The following LNPEP variants were observed in gnomAD, a reference collection of about 807,000 sequenced individuals.
LNPEP encodes leucyl and cystinyl aminopeptidase.
A neutral mutation model predicts 120.6 loss-of-function variants in LNPEP; 64 were observed. The ratio of observed to expected loss-of-function variants is 0.53; its 90% CI spans 0.43 to 0.65. The LOEUF (loss-of-function observed/expected upper bound fraction) is 0.65, where lower values mean the gene tolerates loss of function less well. LNPEP is among the 30% of genes least tolerant of loss of function. LNPEP has a pLI of 0.00. For synonymous variants in LNPEP, 435 were observed against 425.4 expected (o/e 1.02, Z -0.28); for missense variants, 1,057 against 1,200.0 (o/e 0.88, Z 1.76).
chr5:96,982,027 C>T (rs1047809786), intron 2 of LNPEP, among the ~76,000 whole-genome samples: 1 of 152,118 alleles, frequency 6.6e-6, no homozygotes, highest in Non-Finnish European at 1.5e-5. Flanking sequence ...GGAAACTGTT[C>T]CAAGCCTCTT....
intron 13 of LNPEP, among the ~76,000 whole-genome samples, chr5:97,018,343 G>T (rs550190522): frequency 1.3e-5 from 2 of 152,042 alleles, no homozygotes; most frequent in South Asian, 4.1e-4. Flanking sequence ...TAGTGCTCAA[G>T]AAGCACTTGA....
intron 7 of LNPEP, 65 bp from the exon 8 acceptor site, chr5:96,997,949 A>C: frequency 8.5e-7 from 1 of 1,171,328 alleles, no homozygotes; most frequent in Non-Finnish European, 1.2e-6. Flanking sequence ...ATTCACATAA[A>C]TAATTTACTA....
intron 1 of LNPEP, among the ~76,000 whole-genome samples, chr5:96,967,560 C>T (rs1789759916): frequency 6.6e-6 from 1 of 152,024 alleles, no homozygotes; most frequent in African/African-American, 2.4e-5. Context: ...GAATCAGTGT[C>T]TAGTAGAACT....
At chr5:96,945,063 G>A (rs778616329) in intron 1 of LNPEP, among the ~76,000 whole-genome samples, 3 of 151,866 alleles carry the variant, frequency 2.0e-5, no homozygotes, top group Non-Finnish European at 4.4e-5. Flanking sequence ...TTATCAGAAC[G>A]TAAAATGTGC....
intron 10 of LNPEP, 75 bp downstream of exon 10, chr5:97,006,308 A>G: frequency 1.4e-6 from 2 of 1,397,720 alleles, no homozygotes; most frequent in South Asian, 1.3e-5. Context: ...TTTTATAATC[A>G]TAAGTTCTTG....
chr5:96,971,509 C>CT (rs941806028), intron 1 of LNPEP, among the ~76,000 whole-genome samples: 8 of 151,928 alleles, frequency 5.3e-5, no homozygotes, highest in African/African-American at 1.7e-4. Context: ...CACACTCCTT[C>CT]TGTGGCTCCT....
At chr5:96,995,771 C>T (rs1445031330) in intron 6 of LNPEP, among the ~76,000 whole-genome samples, 1 of 152,188 alleles carries the variant, frequency 6.6e-6, no homozygotes, top group Admixed American at 6.5e-5. Context: ...ATCCTCCTGC[C>T]TTGCCCTCCT....
At chr5:96,966,508 T>TTTTG (rs1284828792) in intron 1 of LNPEP, among the ~76,000 whole-genome samples, 2,590 of 133,434 alleles carry the variant, frequency 0.019, 68 homozygotes, top group African/African-American at 0.069. Flanking sequence ...TTACATATAT[T>TTTTG]TGTGTGTGTG....
chr5:96,985,066 T>G lies in LNPEP; in HGVS notation c.861-14T>G. On this transcript the variant is annotated splice_polypyrimidine_tract_variant and intron_variant, in intron 2 of 17. Transcript: ENST00000231368. ...TGCTCAGTAACTACTGGATTGAATT[T>G]GTGTTTGTTTTAGGTACTTTGCAGC... 1.9e-6 allele frequency: 3 copies of G among 1,613,582 alleles called. No homozygotes were observed.
chr5:96,944,744 G>GT (rs1209443402), intron 1 of LNPEP, among the ~76,000 whole-genome samples: 1 of 151,068 alleles, frequency 6.6e-6, no homozygotes, highest in Non-Finnish European at 1.5e-5. Flanking sequence ...TAATTTTTGT[G>GT]TTTTTTCAGT....
intron 1 of LNPEP, among the ~76,000 whole-genome samples, chr5:96,939,861 TGTGA>T (rs967199272): frequency 2.0e-5 from 3 of 152,026 alleles, no homozygotes; most frequent in African/African-American, 4.8e-5. Flanking sequence ...TCTATAGATA[TGTGA>T]GTCTTTTTAA....
chr5:97,002,277 CA>C (rs1274607659), intron 8 of LNPEP, among the ~76,000 whole-genome samples: 7 of 151,704 alleles, frequency 4.6e-5, no homozygotes, highest in South Asian at 4.2e-4. Flanking sequence ...AATGGGGGAA[CA>C]AAAAAACAGC....
In LNPEP at chr5:97,036,706, T is replaced by C. The variant is rs1791578811; in HGVS notation, c.*8173T>C. The C allele has an allele frequency of 6.6e-6, 1 of 152,070 alleles. No homozygotes were observed. The allele number at this position is 152,070 out of a possible 1,614,324, so 9.4% of individuals were successfully genotyped here. On this transcript the variant is annotated 3_prime_UTR_variant, in exon 18 of 18. Transcript: ENST00000231368. ...ATATTACTATTTTGGAAACATTGAGTGATAGAACTCCTAGAAAATTTGCAA... is the reference window on the plus strand; with the variant it reads ...ATATTACTATTTTGGAAACATTGAGCGATAGAACTCCTAGAAAATTTGCAA...
rs754186637 is a variant in LNPEP, at chr5:97,036,486, A to G, written c.*7953A>G. ...GTATCCAGACCTGTATGTTCGCTTT[A>G]AGCATTCTTATATCACACTGTCTCC... On this transcript the variant is annotated 3_prime_UTR_variant, in exon 18 of 18. Coordinates refer to ENST00000231368, the MANE Select transcript of LNPEP (RefSeq NM_005575.3). The G allele has an allele frequency of 6.6e-6, 1 of 152,126 alleles. No homozygotes were observed. The highest frequency in any genetic ancestry group is 1.5e-5 in the Non-Finnish European group (1 of 68,010). The allele number at this position is 152,126 out of a possible 1,614,324, so 9.4% of individuals were successfully genotyped here. A position where few individuals can be genotyped will look rare whatever the true frequency, so the allele number is the denominator to read the frequency against.
At chr5:96,990,459 T>A (rs1254799474) in intron 4 of LNPEP, among the ~76,000 whole-genome samples, 1 of 152,228 alleles carries the variant, frequency 6.6e-6, no homozygotes, top group African/African-American at 2.4e-5. Flanking sequence ...TCTATACATA[T>A]AATTCTTCCA....
chr5:96,971,201 C>T (rs1789850343), intron 1 of LNPEP, among the ~76,000 whole-genome samples: 1 of 151,982 alleles, frequency 6.6e-6, no homozygotes, highest in Admixed American at 6.6e-5. Flanking sequence ...CTATCATCTT[C>T]AGGCCTCCAC....
At chr5:97,014,873 T>C (rs1791024545) in intron 12 of LNPEP, 66 bp from the exon 13 acceptor site, 5 of 1,181,102 alleles carry the variant, frequency 4.2e-6, no homozygotes, top group Non-Finnish European at 5.6e-6. Flanking sequence ...AGTTTCTCTT[T>C]TAGCATGCAT....
intron 11 of LNPEP, among the ~76,000 whole-genome samples, chr5:97,007,254 G>C (rs1790808568): frequency 6.6e-6 from 1 of 152,110 alleles, no homozygotes; most frequent in Non-Finnish European, 1.5e-5. Flanking sequence ...TGGTGTCAAA[G>C]CCTATATTTT....
intron 1 of LNPEP, among the ~76,000 whole-genome samples, chr5:96,955,699 T>A (rs1264519752): frequency 6.6e-6 from 1 of 152,242 alleles, no homozygotes; most frequent in Admixed American, 6.5e-5. Flanking sequence ...AATTCACCAA[T>A]TGATGGACAT....
Sources: allele counts gnomAD v4.1 joint callset (sites outside exome capture counted in the v4.1 genomes callset), GRCh38; gene constraint gnomAD v4.1.1; transcripts MANE v1.5; gene names NCBI Gene and HGNC (gene_info 2026-07-23, HGNC 2026-07-21).